PFKFB1: variants seen among roughly 807,000 people sequenced by gnomAD.
The protein encoded by PFKFB1 is 6-phosphofructo-2-kinase/fructose-2,6-biphosphatase 1, also known as 6-phosphofructo-2-kinase/fructose-2,6-bisphosphatase 1.
PFKFB1 carries 34 observed loss-of-function variants against 46.4 expected under a neutral mutation model. That is an observed-to-expected ratio of 0.73 (90% CI 0.56 to 0.98). PFKFB1 has a LOEUF of 0.98. Among genes scored for constraint, PFKFB1 ranks in the 50% least tolerant of loss-of-function variants. The pLI is 0.00. For synonymous variants in PFKFB1, 119 were observed against 133.8 expected, an observed-to-expected ratio of 0.89 and a Z score of 0.76; for missense variants, 393 against 376.3, an observed-to-expected ratio of 1.04 and a Z score of -0.37.
At chrX:54,936,613 C>T (rs1406217583) in intron 11 of PFKFB1, among the ~76,000 whole-genome samples, 1 of 111,495 alleles carries the variant, frequency 9.0e-6, no homozygotes, top group East Asian at 2.8e-4. Flanking sequence ...CTCATGGTCT[C>T]AAAACATTGC....
At chrX:54,993,822 G>A in intron 1 of PFKFB1, 89 bp downstream of exon 1, 5 of 1,105,823 alleles carry the variant, frequency 4.5e-6, no homozygotes, top group Non-Finnish European at 6.0e-6. Context: ...TGAGGTAGGA[G>A]TGGATGGCAA....
At position 54,956,175 on chromosome X, in the gene PFKFB1, G is replaced by A. The variant is rs759529269; in HGVS notation, c.616C>T (p.Pro206Ser). 26 of 1,205,045 alleles carry A rather than the reference G, an allele frequency of 2.2e-5. No homozygotes were observed. The East Asian group carries it at 2.4e-4, about 11-fold the overall frequency. Residue 206 changes from proline to serine, a missense_variant, in exon 7 of 14, where the codon CCC (proline) becomes TCC (serine). By Grantham distance (74) the Pro-to-Ser change is moderately conservative (BLOSUM62 -1). Coordinates refer to ENST00000375006, the MANE Select transcript of PFKFB1 (RefSeq NM_002625.4). ...RIECYEVNYQ[P>S]LDEELDSHLS... ...TACCTGTCCAGTTCCTCATCCAAGGGTTGGTAGTTGACCTCATAGCACTCA... is the reference window on the plus strand; with the variant it reads ...TACCTGTCCAGTTCCTCATCCAAGGATTGGTAGTTGACCTCATAGCACTCA...
At chrX:54,955,765 G>T (rs1000570521) in intron 7 of PFKFB1, among the ~76,000 whole-genome samples, 2 of 112,086 alleles carry the variant, frequency 1.8e-5, no homozygotes. Flanking sequence ...ATGACCATAA[G>T]ACTTATCTCA....
intron 2 of PFKFB1, among the ~76,000 whole-genome samples, chrX:54,961,659 T>C (rs917802774): frequency 1.8e-5 from 2 of 111,485 alleles, no homozygotes; most frequent in African/African-American, 3.3e-5. Context: ...GTCCAACAGG[T>C]AAGACAGTGA....
chrX:54,967,625 A>G (rs1002831778), intron 1 of PFKFB1, among the ~76,000 whole-genome samples: 2 of 60,955 alleles, frequency 3.3e-5, no homozygotes, highest in Non-Finnish European at 6.0e-5. Flanking sequence ...AATCGACAAG[A>G]AAAAAACAAA....
intron 1 of PFKFB1, among the ~76,000 whole-genome samples, chrX:54,975,087 G>T (rs1934801332): frequency 9.0e-6 from 1 of 111,500 alleles, no homozygotes; most frequent in Non-Finnish European, 1.9e-5. Context: ...ATTTGATCCA[G>T]CAATCCCACT....
chrX:54,951,962 T>C lies in PFKFB1; in HGVS notation c.789A>G (p.Glu263=), dbSNP rs766304510. 3 of 1,210,115 alleles carry C rather than the reference T, an allele frequency of 2.5e-6. No homozygotes were observed. The highest frequency in any genetic ancestry group is 3.4e-6 in the Non-Finnish European group (3 of 894,550). Residue 263 remains glutamate (E), a synonymous_variant, in exon 8 of 14, where the codon GAA becomes GAG. Transcript: ENST00000375006. ...CTCCGATGCGGCCTCTGATGTTGAG[T>C]TCACTCTCGCCATGTCGGCAAAGGT... ...SIYLCRHGES[E]LNIRGRIGGD...
At chrX:54,998,670 G>A, upstream of PFKFB1, 1 of 384,331 alleles carries the variant, frequency 2.6e-6, no homozygotes, top group Non-Finnish European at 4.5e-6. Context: ...TGTTCACCTT[G>A]CCCCAAAGGT....
chrX:54,937,462 G>C (rs1159100582), intron 11 of PFKFB1, 133 bp downstream of exon 11: 2 of 565,240 alleles, frequency 3.5e-6, no homozygotes, highest in Non-Finnish European at 5.4e-6. Context: ...GTATGTGAAA[G>C]AGAAAGAATC....
chrX:54,960,594 G>A (rs1434493184), intron 3 of PFKFB1, among the ~76,000 whole-genome samples: 1 of 111,101 alleles, frequency 9.0e-6, no homozygotes. Context: ...AAAATGGAAG[G>A]GCTGTTCCAA....
rs770869809 is a variant in PFKFB1, at chrX:54,965,671, T to C, written c.98-2289A>G. Among the ~76,000 whole-genome samples, 5 of 111,385 alleles carry C rather than the reference T, an allele frequency of 4.5e-5. No individual in the cohort carries two copies. In the South Asian group the frequency reaches 1.8e-3, roughly 41 times the overall value. ...AAGAAAAATATAACTATCATATTCT[T>C]AATTGTTCTAAAATATAACTGATCT... is the stretch of plus-strand genomic sequence containing the variant. On this transcript the variant is annotated intron_variant, in intron 1 of 13. Coordinates refer to ENST00000375006, the MANE Select transcript of PFKFB1 (RefSeq NM_002625.4).
chrX:54,994,828 A>G, upstream of PFKFB1: 1 of 753,803 alleles, frequency 1.3e-6, no homozygotes, highest in Non-Finnish European at 1.6e-6. Context: ...CAAGGGCTAA[A>G]TAAATAGGAG....
At chrX:54,977,091 ACT>A (rs1406690350) in intron 1 of PFKFB1, among the ~76,000 whole-genome samples, 1 of 110,648 alleles carries the variant, frequency 9.0e-6, no homozygotes, top group Non-Finnish European at 1.9e-5. Context: ...GTTTGTCAAA[ACT>A]CACAAAACTG....
At chrX:54,983,656 C>T (rs1235452278) in intron 1 of PFKFB1, among the ~76,000 whole-genome samples, 6 of 111,808 alleles carry the variant, frequency 5.4e-5, no homozygotes, top group South Asian at 3.7e-4. Context: ...TATAATAGAA[C>T]GATTTATATC....
intron 11 of PFKFB1, among the ~76,000 whole-genome samples, chrX:54,937,069 A>G (rs1741067247): frequency 9.0e-6 from 1 of 111,457 alleles, no homozygotes; most frequent in Admixed American, 9.6e-5. Flanking sequence ...TTTTTTTAAA[A>G]ATAAATTATC....
chrX:54,939,913 T>C (rs1432649784), intron 10 of PFKFB1, among the ~76,000 whole-genome samples: 2 of 111,850 alleles, frequency 1.8e-5, no homozygotes, highest in South Asian at 3.7e-4. Flanking sequence ...ATCATCCTGA[T>C]ACCAAAGCCA....
chrX:54,958,220 T>TAG (rs765447832), intron 6 of PFKFB1, 86 bp downstream of exon 6: 3 of 520,656 alleles, frequency 5.8e-6, no homozygotes, highest in Non-Finnish European at 9.9e-6. Flanking sequence ...TCTCATGGAG[T>TAG]TGCCTTAGGC....
In PFKFB1 at chrX:54,970,455, T is replaced by C. The variant is rs1056170896; in HGVS notation, c.98-7073A>G. Among the ~76,000 whole-genome samples the C allele has an allele frequency of 1.0e-3, 103 of 99,376 alleles. 1 individual carries two copies. The highest frequency in any genetic ancestry group is 1.8e-3 in the Non-Finnish European group (89 of 49,336). 86.3% of individuals were successfully genotyped at this position (99,376 alleles called of 115,157 possible). A position where few individuals can be genotyped will look rare whatever the true frequency, so the allele number is the denominator to read the frequency against. Reference sequence around the variant, plus strand: ...CACCCATTAACTCGTCATCTATCATTAGGTATATCTCCTAATGCTATCCCT... The same window carrying C: ...CACCCATTAACTCGTCATCTATCATCAGGTATATCTCCTAATGCTATCCCT... On this transcript the variant is annotated intron_variant, in intron 1 of 13. Transcript: ENST00000375006.
chrX:54,972,675 C>T (rs1437613304), intron 1 of PFKFB1, among the ~76,000 whole-genome samples: 1 of 111,483 alleles, frequency 9.0e-6, no homozygotes, highest in African/African-American at 3.3e-5. Context: ...GCCTTGCATC[C>T]CAGGGATGAA....
Sources: allele counts gnomAD v4.1 joint callset (sites outside exome capture counted in the v4.1 genomes callset), GRCh38; gene constraint gnomAD v4.1.1; transcripts MANE v1.5; gene names NCBI Gene and HGNC (gene_info 2026-07-23, HGNC 2026-07-21).